The following RIMBP2 variants were observed in gnomAD, a reference collection of about 807,000 sequenced individuals.
RIMBP2 encodes RIMS-binding protein 2.
A neutral mutation model predicts 118.6 loss-of-function variants in RIMBP2; 48 were observed. The ratio of observed to expected loss-of-function variants is 0.40; its 90% CI spans 0.32 to 0.51. The LOEUF (loss-of-function observed/expected upper bound fraction) is 0.51. RIMBP2 is among the 20% of genes least tolerant of loss of function. The pLI, the probability that RIMBP2 is intolerant of heterozygous loss-of-function variation, is 0.41. For synonymous variants in RIMBP2, 762 were observed against 742.9 expected, an observed-to-expected ratio of 1.03 and a Z score of -0.42; for missense variants, 1,551 against 1,768.3, an observed-to-expected ratio of 0.88 and a Z score of 2.20.
chr12:130,659,494 G>A (rs761321815), intron 1 of RIMBP2, among the ~76,000 whole-genome samples: 1 of 151,490 alleles, frequency 6.6e-6, no homozygotes, highest in Non-Finnish European at 1.5e-5. Context: ...GCGTGAACCC[G>A]GGAGGCGTAT....
Position 130,504,244 on chromosome 12 carries a change from C to A in RIMBP2, c.-4+2404G>T, listed in dbSNP as rs2050089636. 3.3e-5 allele frequency among the ~76,000 whole-genome samples: 5 copies of A among 152,306 alleles called. No individual in the cohort carries two copies. In the South Asian group the frequency reaches 1.0e-3, roughly 32 times the overall value. ...GTCACCAGGCTCTTCACCAGGCTGGCACTTCAGTGTCTTTGTTCTGTGCAG... is the reference window on the plus strand; with the variant it reads ...GTCACCAGGCTCTTCACCAGGCTGGAACTTCAGTGTCTTTGTTCTGTGCAG... On this transcript the variant is annotated intron_variant, in intron 4 of 22. Transcript: ENST00000690449.
chr12:130,539,067 A>G (rs1374056160), intron 2 of RIMBP2, among the ~76,000 whole-genome samples: 1 of 152,216 alleles, frequency 6.6e-6, no homozygotes, highest in African/African-American at 2.4e-5. Context: ...TGCAGGCCAC[A>G]TCCAGCTTGC....
intron 11 of RIMBP2, among the ~76,000 whole-genome samples, chr12:130,439,604 T>C (rs1464129060): frequency 2.7e-5 from 3 of 109,570 alleles, no homozygotes; most frequent in African/African-American, 1.1e-4. Context: ...TGGGGGTGTG[T>C]TTTTGTGTAT....
At chr12:130,579,837 C>A (rs1357775598) in intron 2 of RIMBP2, among the ~76,000 whole-genome samples, 1 of 151,762 alleles carries the variant, frequency 6.6e-6, no homozygotes, top group Non-Finnish European at 1.5e-5. Flanking sequence ...AATATAGGAA[C>A]CAGAGCTCGA....
In RIMBP2 at chr12:130,451,254, A is replaced by G. The variant is rs760399825; in HGVS notation, c.445T>C (p.Ser149Pro). 5 of 1,614,202 alleles carry G rather than the reference A, an allele frequency of 3.1e-6. No individual in the cohort carries two copies. Among genetic ancestry groups the G allele is most frequent in the Non-Finnish European group, 4.2e-6 (5 of 1,180,032 alleles). The change falls in exon 8 of 23, where the codon TCC becomes CCC. Residue 149 changes from serine to proline, a missense_variant. Physicochemically the swap from Ser to Pro is moderately conservative, Grantham distance 74 (BLOSUM62 -1). Transcript: ENST00000690449. ...PQPGDRPEPLSAKPTFLSRSG... is the reference protein window; with the variant it reads ...PQPGDRPEPLPAKPTFLSRSG... ...CTCGACAGGAAGGTGGGCTTGGCGGACAGAGGCTCCGGCCTGTCACCAGGC... is the reference window on the plus strand; with the variant it reads ...CTCGACAGGAAGGTGGGCTTGGCGGGCAGAGGCTCCGGCCTGTCACCAGGC...
intron 1 of RIMBP2, among the ~76,000 whole-genome samples, chr12:130,646,232 TG>T (rs2062927820): frequency 1.5e-5 from 1 of 65,558 alleles, no homozygotes; most frequent in Non-Finnish European, 3.4e-5. Flanking sequence ...CCTCACCACC[TG>T]CCTCTCCACC....
At chr12:130,560,476 C>T (rs1182145477) in intron 2 of RIMBP2, among the ~76,000 whole-genome samples, 1 of 152,126 alleles carries the variant, frequency 6.6e-6, no homozygotes, top group African/African-American at 2.4e-5. Context: ...CCGGTAGTGA[C>T]CACCCAAAAT....
intron 2 of RIMBP2, among the ~76,000 whole-genome samples, chr12:130,611,352 G>A (rs2060536558): frequency 6.6e-6 from 1 of 152,232 alleles, no homozygotes; most frequent in Non-Finnish European, 1.5e-5. Flanking sequence ...TCCCGTAAAG[G>A]ATCTCTTTGA....
rs553203680 is a variant in RIMBP2, at chr12:130,621,896, C to T, written c.-217+6426G>A. On this transcript the variant is annotated intron_variant, in intron 2 of 22. Transcript: ENST00000690449. This position sits in a 1 kb window ranked among gnomAD's most constrained non-coding sequence, Gnocchi z 6.6. ...GCAGGCCAGCATCACACACACTTCC[C>T]GACAGGCCCAGGACAGCACTAATGA... is the stretch of plus-strand genomic sequence containing the variant. Among the ~76,000 whole-genome samples, 7 of 152,270 alleles carry T rather than the reference C, an allele frequency of 4.6e-5. No individual in the cohort carries two copies. Among genetic ancestry groups the T allele is most frequent in the South Asian group, 4.2e-4 (2 of 4,814 alleles).
At chr12:130,649,189 A>G (rs1594142036) in intron 1 of RIMBP2, among the ~76,000 whole-genome samples, 1 of 146,036 alleles carries the variant, frequency 6.8e-6, no homozygotes, top group African/African-American at 2.5e-5. Context: ...GAGGGACAGA[A>G]CCGTGCCAAG....
chr12:130,399,835 A>G, intron 21 of RIMBP2, 22 bp from the exon 22 acceptor site: 1 of 1,613,226 alleles, frequency 6.2e-7, no homozygotes, highest in South Asian at 1.1e-5. Context: ...GGGGTGAGGC[A>G]GAAGAACTAT....
intron 2 of RIMBP2, among the ~76,000 whole-genome samples, chr12:130,613,234 A>C (rs901454416): frequency 6.6e-6 from 1 of 152,204 alleles, no homozygotes; most frequent in South Asian, 2.1e-4. Flanking sequence ...GCCGGGGCCA[A>C]CAAGGCAGGG....
intron 1 of RIMBP2, among the ~76,000 whole-genome samples, chr12:130,646,063 C>CCCTCTCCACCTCCCTCACCACT (rs2062873717): frequency 3.7e-5 from 4 of 108,336 alleles, no homozygotes; most frequent in Admixed American, 1.0e-4. Context: ...CCCTCACCAC[C>CCCTCTCCACCTCCCTCACCACT]TGCCTCTCCA....
At chr12:130,398,497 C>T (rs1377953750) in intron 22 of RIMBP2, 4 of 152,662 alleles carry the variant, frequency 2.6e-5, no homozygotes, top group Admixed American at 6.5e-5. Flanking sequence ...ATTTGAGCTG[C>T]GTGCTTCATC....
intron 2 of RIMBP2, among the ~76,000 whole-genome samples, chr12:130,564,034 GT>G: frequency 6.8e-6 from 1 of 148,114 alleles, no homozygotes; most frequent in African/African-American, 2.5e-5. Context: ...GGCAGTCCCA[GT>G]CCCAGGGCCC....
chr12:130,574,253 G>A (rs1366689105), intron 2 of RIMBP2, among the ~76,000 whole-genome samples: 3 of 151,868 alleles, frequency 2.0e-5, no homozygotes, highest in African/African-American at 7.2e-5. Flanking sequence ...AGAAACAGCA[G>A]CAGCTGTCCT....
chr12:130,521,136 T>C (rs1346652756), intron 2 of RIMBP2, among the ~76,000 whole-genome samples: 1 of 152,218 alleles, frequency 6.6e-6, no homozygotes, highest in African/African-American at 2.4e-5. Context: ...AAAGGCAAGA[T>C]GGCTTAACCT....
At chr12:130,500,741 G>A (rs776026287) in intron 4 of RIMBP2, among the ~76,000 whole-genome samples, 8 of 152,152 alleles carry the variant, frequency 5.3e-5, no homozygotes, top group South Asian at 4.1e-4. Context: ...TTCACAGGCC[G>A]CATGTCCCCT....
chr12:130,422,804 G>A lies in RIMBP2; in HGVS notation c.3130-243C>T, dbSNP rs577841018. 6.6e-6 allele frequency among the ~76,000 whole-genome samples: 1 copy of A among 152,212 alleles called. No individual in the cohort carries two copies. The highest frequency in any genetic ancestry group is 1.5e-5 in the Non-Finnish European group (1 of 68,018). On this transcript the variant is annotated intron_variant, in intron 16 of 22. Coordinates refer to ENST00000690449, the MANE Select transcript of RIMBP2 (RefSeq NM_001393629.1). The surrounding 1 kb of genome is among the most constrained non-coding windows in gnomAD (Gnocchi z 5.2). ...GGGCAAAAATAATTCCTTGTGGGGGGGTCTCTTTTGGTTGCTGCTGCTGGT... is the reference window on the plus strand; with the variant it reads ...GGGCAAAAATAATTCCTTGTGGGGGAGTCTCTTTTGGTTGCTGCTGCTGGT...
Sources: allele counts gnomAD v4.1 joint callset (sites outside exome capture counted in the v4.1 genomes callset), GRCh38; gene constraint gnomAD v4.1.1; non-coding constraint Gnocchi (gnomAD v3.1); transcripts MANE v1.5; gene names NCBI Gene and HGNC (gene_info 2026-07-23, HGNC 2026-07-21).